The following SORCS3 variants were observed in gnomAD, a reference collection of about 807,000 sequenced individuals.
The protein encoded by SORCS3 is sortilin related VPS10 domain containing receptor 3, also known as VPS10 domain-containing receptor SorCS3.
Under a neutral mutation model 146.3 loss-of-function variants are expected in SORCS3, and 57 were observed. The ratio of observed to expected loss-of-function variants is 0.39; its 90% confidence interval spans 0.31 to 0.49. The LOEUF is 0.49. SORCS3 is among the 20% of genes least tolerant of loss of function. The pLI, the probability that SORCS3 is intolerant of heterozygous loss-of-function variation, is 0.92. For synonymous variants in SORCS3, 653 were observed against 618.5 expected (o/e 1.06, Z -0.83); for missense variants, 1,341 against 1,575.5 (o/e 0.85, Z 2.52).
chr10:105,223,472 ACT>A (rs1338151649), intron 20 of SORCS3, among the ~76,000 whole-genome samples: 1 of 152,234 alleles, frequency 6.6e-6, no homozygotes, highest in African/African-American at 2.4e-5. Flanking sequence ...ACTTTGAGAA[ACT>A]CTGCAAACCT....
At chr10:104,807,660 T>C (rs1433042135) in intron 1 of SORCS3, among the ~76,000 whole-genome samples, 1 of 152,186 alleles carries the variant, frequency 6.6e-6, no homozygotes, top group African/African-American at 2.4e-5. Context: ...CTTTATTTTT[T>C]TGAAACGTGA....
intron 1 of SORCS3, among the ~76,000 whole-genome samples, chr10:104,786,195 A>G (rs1158437395): frequency 6.6e-6 from 1 of 151,814 alleles, no homozygotes; most frequent in East Asian, 1.9e-4. Context: ...TGTTTTAACC[A>G]CTGGGGAGTC....
At chr10:104,699,152 T>C (rs369142104) in intron 1 of SORCS3, among the ~76,000 whole-genome samples, 212 of 152,262 alleles carry the variant, frequency 1.4e-3, no homozygotes, top group South Asian at 5.2e-3. Flanking sequence ...GGTTTAGGTA[T>C]AAAAGGATAA....
chr10:104,914,149 A>G (rs1198257085), intron 2 of SORCS3, among the ~76,000 whole-genome samples: 1 of 152,140 alleles, frequency 6.6e-6, no homozygotes, highest in African/African-American at 2.4e-5. Flanking sequence ...AGAGCTATGG[A>G]TGTAGAATGA....
At chr10:105,098,829 A>G (rs1394093207) in intron 6 of SORCS3, among the ~76,000 whole-genome samples, 1 of 152,232 alleles carries the variant, frequency 6.6e-6, no homozygotes, top group Admixed American at 6.5e-5. Flanking sequence ...TTTAGCAGGT[A>G]CAGTGGAAAG....
intron 1 of SORCS3, among the ~76,000 whole-genome samples, chr10:104,752,250 G>A (rs2016997298): frequency 6.6e-6 from 1 of 151,760 alleles, no homozygotes; most frequent in Non-Finnish European, 1.5e-5. Context: ...TGGCCAGGCT[G>A]GTCTTGAACT....
At chr10:104,803,666 T>C (rs560731450) in intron 1 of SORCS3, among the ~76,000 whole-genome samples, 2 of 152,322 alleles carry the variant, frequency 1.3e-5, no homozygotes, top group African/African-American at 4.8e-5. Context: ...TTTCTGGCTA[T>C]CTCTGGGTTG....
At chr10:104,799,915 A>T (rs1048686222) in intron 1 of SORCS3, among the ~76,000 whole-genome samples, 1 of 152,044 alleles carries the variant, frequency 6.6e-6, no homozygotes, top group African/African-American at 2.4e-5. Context: ...TGACCTCGGG[A>T]TCTGCCCGCC....
chr10:104,995,737 C>T (rs1013937223), intron 4 of SORCS3, among the ~76,000 whole-genome samples: 2 of 152,112 alleles, frequency 1.3e-5, no homozygotes, highest in East Asian at 1.9e-4. Context: ...CGGTGTCTCT[C>T]AATGAAGAGA....
chr10:104,682,445 T>C (rs1344614295), intron 1 of SORCS3, among the ~76,000 whole-genome samples: 1 of 152,310 alleles, frequency 6.6e-6, no homozygotes, highest in Non-Finnish European at 1.5e-5. Flanking sequence ...CCTTGTAAGG[T>C]TGTTGGAGGA....
At chr10:104,928,585 C>T (rs2019174449) in intron 3 of SORCS3, among the ~76,000 whole-genome samples, 1 of 152,056 alleles carries the variant, frequency 6.6e-6, no homozygotes, top group African/African-American at 2.4e-5. Flanking sequence ...TGCCTCCTCG[C>T]CCCCAGTTCG....
chr10:104,722,502 T>G (rs2016562347), intron 1 of SORCS3, among the ~76,000 whole-genome samples: 1 of 152,252 alleles, frequency 6.6e-6, no homozygotes, highest in African/African-American at 2.4e-5. Context: ...TAAAATGAGT[T>G]AGGGAGGATT....
At chr10:105,120,121 A>G (rs1463541813) in intron 7 of SORCS3, among the ~76,000 whole-genome samples, 1 of 152,130 alleles carries the variant, frequency 6.6e-6, no homozygotes, top group Non-Finnish European at 1.5e-5. Context: ...GGTTGCCCTC[A>G]TACTGTTCTT....
chr10:105,001,885 G>A (rs1589588280), intron 4 of SORCS3, among the ~76,000 whole-genome samples: 1 of 152,146 alleles, frequency 6.6e-6, no homozygotes, highest in South Asian at 2.1e-4. Context: ...GGGTTTTAGA[G>A]CATCCAAGTG....
chr10:104,901,823 G>C (rs934047465), intron 2 of SORCS3, among the ~76,000 whole-genome samples: 2 of 152,150 alleles, frequency 1.3e-5, no homozygotes, highest in African/African-American at 4.8e-5. Context: ...CTGGTGCCTA[G>C]ATTAGGTGAT....
intron 3 of SORCS3, among the ~76,000 whole-genome samples, chr10:104,916,743 T>C (rs2019032469): frequency 6.6e-6 from 1 of 152,130 alleles, no homozygotes; most frequent in South Asian, 2.1e-4. Context: ...ATATTAAAGG[T>C]CATTTTAATA....
chr10:104,656,667 A>T (rs2015634412), intron 1 of SORCS3, among the ~76,000 whole-genome samples: 1 of 152,200 alleles, frequency 6.6e-6, no homozygotes. Flanking sequence ...TTGTTAAAAA[A>T]AAACAAAAAG....
chr10:104,791,166 G>A (rs891528544), intron 1 of SORCS3, among the ~76,000 whole-genome samples: 3 of 152,182 alleles, frequency 2.0e-5, no homozygotes, highest in African/African-American at 7.2e-5. Context: ...AGGCCAGTGG[G>A]GGTGTGTATG....
At chr10:104,823,143 A>G (rs916430060) in intron 1 of SORCS3, among the ~76,000 whole-genome samples, 10 of 152,194 alleles carry the variant, frequency 6.6e-5, no homozygotes, top group Admixed American at 6.5e-4. Flanking sequence ...TGCAGGGCCA[A>G]TAGGCAGATG....
Sources: allele counts gnomAD v4.1 joint callset (sites outside exome capture counted in the v4.1 genomes callset), GRCh38; gene constraint gnomAD v4.1.1; transcripts MANE v1.5; gene names NCBI Gene and HGNC (gene_info 2026-07-23, HGNC 2026-07-21).